Variants in MAGI3 observed in about 807,000 individuals in gnomAD.
MAGI3 encodes the protein membrane associated guanylate kinase, WW and PDZ domain containing 3.
In MAGI3, 43 loss-of-function variants were observed where a neutral mutation model predicts 121.8. That is an observed-to-expected ratio of 0.35 (90% confidence interval 0.28 to 0.46). The LOEUF is 0.46. MAGI3 is among the 20% of genes least tolerant of loss of function. MAGI3 has a pLI of 1.00. For synonymous variants in MAGI3, 553 were observed against 639.3 expected (o/e 0.86, Z 2.04); for missense variants, 1,547 against 1,797.3 (o/e 0.86, Z 2.52).
At chr1:113,407,435 A>G (rs1472277347) in intron 1 of MAGI3, among the ~76,000 whole-genome samples, 2 of 152,146 alleles carry the variant, frequency 1.3e-5, no homozygotes, top group Non-Finnish European at 2.9e-5. Context: ...TTCCAGGAAT[A>G]GGAAAGACAG....
chr1:113,441,712 T>A (rs1557759101), intron 1 of MAGI3, among the ~76,000 whole-genome samples: 1 of 152,150 alleles, frequency 6.6e-6, no homozygotes, highest in Non-Finnish European at 1.5e-5. Context: ...TCATCCCCAG[T>A]AAAAAGGCAG....
At chr1:113,634,389 T>C (rs1162344361) in intron 9 of MAGI3, among the ~76,000 whole-genome samples, 1 of 152,162 alleles carries the variant, frequency 6.6e-6, no homozygotes, top group Non-Finnish European at 1.5e-5. Flanking sequence ...TTAAGTCTAA[T>C]CCATCTTGAA....
chr1:113,493,698 A>T (rs1007716014), intron 1 of MAGI3, among the ~76,000 whole-genome samples: 7 of 152,194 alleles, frequency 4.6e-5, no homozygotes, highest in African/African-American at 1.4e-4. Context: ...CCCCATTAAA[A>T]AGTGGGCAAA....
chr1:113,540,733 G>T (rs1382912487), intron 1 of MAGI3, among the ~76,000 whole-genome samples: 1 of 152,130 alleles, frequency 6.6e-6, no homozygotes, highest in Admixed American at 6.6e-5. Context: ...TCAGATCCCT[G>T]GCCATGTGTC....
At chr1:113,606,879 A>G (rs1157711391) in intron 6 of MAGI3, among the ~76,000 whole-genome samples, 2 of 152,130 alleles carry the variant, frequency 1.3e-5, no homozygotes, top group African/African-American at 4.8e-5. Context: ...AAAAGTTTCA[A>G]CATATAGGAA....
chr1:113,514,743 T>A (rs1463467162), intron 1 of MAGI3, among the ~76,000 whole-genome samples: 1 of 152,104 alleles, frequency 6.6e-6, no homozygotes, highest in Non-Finnish European at 1.5e-5. Flanking sequence ...AACCTGCACA[T>A]TGTGCACATG....
intron 9 of MAGI3, among the ~76,000 whole-genome samples, chr1:113,625,277 T>C (rs1007479578): frequency 6.6e-6 from 1 of 152,204 alleles, no homozygotes; most frequent in African/African-American, 2.4e-5. Context: ...TTGCATTGAA[T>C]CTATAGATTG....
At chr1:113,672,195 A>G (rs1647598476) in intron 17 of MAGI3, among the ~76,000 whole-genome samples, 1 of 152,230 alleles carries the variant, frequency 6.6e-6, no homozygotes, top group South Asian at 2.1e-4. Context: ...AGACCACCTG[A>G]GCAGAGCAGG....
At position 113,642,202 on chromosome 1, in the gene MAGI3, A is replaced by T. The variant is rs1049808048; in HGVS notation, c.1652A>T (p.Asp551Val). 1 of 1,614,150 alleles carries T rather than the reference A, an allele frequency of 6.2e-7. No individual in the cohort carries two copies. The highest frequency in any genetic ancestry group is 8.5e-7 in the Non-Finnish European group (1 of 1,180,028). The change falls in exon 10 of 21, where the codon GAT becomes GTT. Residue 551 changes from aspartate (D) to valine (V), a missense_variant. Physicochemically the swap from Asp to Val is radical, Grantham distance 152. Transcript: ENST00000307546. ...NGKSGHTLTG[D>V]GLNGPSDASE... ...AAATCGGGACACACTTTGACTGGTGATGGTCTCAATGGACCATCAGATGCA... is the reference window on the plus strand; with the variant it reads ...AAATCGGGACACACTTTGACTGGTGTTGGTCTCAATGGACCATCAGATGCA...
intron 2 of MAGI3, among the ~76,000 whole-genome samples, chr1:113,570,230 T>C (rs1444973255): frequency 1.3e-5 from 2 of 152,186 alleles, no homozygotes; most frequent in Admixed American, 1.3e-4. Flanking sequence ...CTCATCCCTT[T>C]TTATGGCTGG....
rs143451512 is a variant in MAGI3, at chr1:113,391,742, C to G, written c.316+393C>G. Among the ~76,000 whole-genome samples the G allele has an allele frequency of 6.6e-6, 1 of 152,182 alleles. No homozygotes were observed. Among genetic ancestry groups the G allele is most frequent in the East Asian group, 1.9e-4 (1 of 5,200 alleles). ...TGGAACGATCTTACGCATCTTCTAA[C>G]AGGGAAAAAGGGACTTTACTATAGA... On this transcript the variant is annotated intron_variant, in intron 1 of 20. Transcript: ENST00000307546. This position sits in a 1 kb window ranked among gnomAD's most constrained non-coding sequence, Gnocchi z 4.4.
intron 1 of MAGI3, among the ~76,000 whole-genome samples, chr1:113,427,291 G>A (rs557260557): frequency 1.3e-5 from 2 of 152,340 alleles, no homozygotes; most frequent in East Asian, 1.9e-4. Flanking sequence ...CAGGAGAGAC[G>A]CTTTTGAAGG....
At chr1:113,514,725 T>C (rs1451974491) in intron 1 of MAGI3, among the ~76,000 whole-genome samples, 1 of 151,968 alleles carries the variant, frequency 6.6e-6, no homozygotes, top group African/African-American at 2.4e-5. Flanking sequence ...TGTATACATA[T>C]AGTAACTAAC....
chr1:113,650,978 C>A (rs201839645), intron 13 of MAGI3, 36 bp from the exon 14 acceptor site: 3 of 1,578,830 alleles, frequency 1.9e-6, no homozygotes, highest in Admixed American at 3.6e-5. Context: ...CTAAACTTTA[C>A]ACTGTGGACC....
At chr1:113,488,100 T>A (rs1273277539) in intron 1 of MAGI3, among the ~76,000 whole-genome samples, 1 of 152,252 alleles carries the variant, frequency 6.6e-6, no homozygotes, top group Non-Finnish European at 1.5e-5. Context: ...TGCTTTTTTT[T>A]ACTACTATTT....
chr1:113,390,986 C>T lies in MAGI3; in HGVS notation c.-48C>T, dbSNP rs764069486. 63 of 1,478,246 alleles carry T rather than the reference C, an allele frequency of 4.3e-5. No homozygotes were observed. Among genetic ancestry groups the T allele is most frequent in the Non-Finnish European group, 5.5e-5 (61 of 1,117,864 alleles). The allele number at this position is 1,478,246 out of a possible 1,614,324, so 91.6% of individuals were successfully genotyped here. A position where few individuals can be genotyped will look rare whatever the true frequency, so the allele number is the denominator to read the frequency against. On this transcript the variant is annotated 5_prime_UTR_variant, in exon 1 of 21. Transcript: ENST00000307546. Reference sequence around the variant, plus strand: ...GGGCTGAGACGGGGCCGGAGCGGCGCCCCGGCCGCCCGCGCGGGGTCTCCC... The same window carrying T: ...GGGCTGAGACGGGGCCGGAGCGGCGTCCCGGCCGCCCGCGCGGGGTCTCCC...
chr1:113,538,449 T>C (rs916104874), intron 1 of MAGI3, among the ~76,000 whole-genome samples: 2 of 152,222 alleles, frequency 1.3e-5, no homozygotes, highest in African/African-American at 4.8e-5. Flanking sequence ...ATTGGTTATC[T>C]GGCATTACGA....
At chr1:113,392,784 AC>A (rs1248260600) in intron 1 of MAGI3, among the ~76,000 whole-genome samples, 2 of 152,274 alleles carry the variant, frequency 1.3e-5, no homozygotes, top group South Asian at 2.1e-4. Context: ...CTTAACTCTA[AC>A]TTTTACAGCC....
At chr1:113,555,145 T>C (rs951349256) in intron 2 of MAGI3, among the ~76,000 whole-genome samples, 4 of 151,674 alleles carry the variant, frequency 2.6e-5, no homozygotes, top group African/African-American at 9.7e-5. Flanking sequence ...CCTGGATTTC[T>C]ATGTACAACA....
Sources: allele counts gnomAD v4.1 joint callset (sites outside exome capture counted in the v4.1 genomes callset), GRCh38; gene constraint gnomAD v4.1.1; non-coding constraint Gnocchi (gnomAD v3.1); transcripts MANE v1.5; gene names NCBI Gene and HGNC (gene_info 2026-07-23, HGNC 2026-07-21).